The following TRPC6 variants were observed in gnomAD, a reference collection of about 807,000 sequenced individuals.
TRPC6 encodes transient receptor potential cation channel subfamily C member 6.
In TRPC6, 55 loss-of-function variants were observed where a neutral mutation model predicts 90.7. The observed-to-expected ratio is 0.61, with a 90% CI of 0.49 to 0.76. The LOEUF is 0.76. Ranked by LOEUF, TRPC6 falls within the 30% of genes least tolerant of loss-of-function variation. TRPC6 has a pLI of 0.00. For synonymous variants in TRPC6, 393 were observed against 393.0 expected, an observed-to-expected ratio of 1.00 and a Z score of 0.00; for missense variants, 989 against 1,122.7, an observed-to-expected ratio of 0.88 and a Z score of 1.70.
At chr11:101,570,679 C>A (rs1270933948) in intron 1 of TRPC6, among the ~76,000 whole-genome samples, 1 of 152,188 alleles carries the variant, frequency 6.6e-6, no homozygotes, top group African/African-American at 2.4e-5. Context: ...CCACTATGAT[C>A]CAGTTGGCGT....
At chr11:101,453,781 T>C (rs533421787) in intron 11 of TRPC6, 56 bp from the exon 12 acceptor site, 1 of 1,536,824 alleles carries the variant, frequency 6.5e-7, no homozygotes, top group East Asian at 2.3e-5. Context: ...GACAAATCTC[T>C]CATTTGGAAC....
intron 2 of TRPC6, among the ~76,000 whole-genome samples, chr11:101,494,261 C>T (rs540322618): frequency 3.9e-5 from 6 of 152,198 alleles, no homozygotes; most frequent in East Asian, 1.9e-4. Flanking sequence ...CTTCTACTTA[C>T]GAGCCATGTG....
At chr11:101,490,266 C>T (rs781095750) in intron 3 of TRPC6, among the ~76,000 whole-genome samples, 2 of 151,994 alleles carry the variant, frequency 1.3e-5, no homozygotes, top group Non-Finnish European at 2.9e-5. Context: ...ATAAAGTGGA[C>T]ATTTATTGAC....
chr11:101,467,949 C>T (rs564318332), intron 10 of TRPC6, among the ~76,000 whole-genome samples: 83 of 152,184 alleles, frequency 5.5e-4, no homozygotes, highest in African/African-American at 2.0e-3. Flanking sequence ...TCTTAAATTT[C>T]CTTTATTGGA....
intron 1 of TRPC6, among the ~76,000 whole-genome samples, chr11:101,526,184 C>G (rs1860775308): frequency 6.6e-6 from 1 of 152,102 alleles, no homozygotes; most frequent in East Asian, 1.9e-4. Context: ...TTGTCCTTCT[C>G]TTTTTAACAA....
intron 1 of TRPC6, among the ~76,000 whole-genome samples, chr11:101,580,114 T>G (rs1205744357): frequency 6.6e-6 from 1 of 152,180 alleles, no homozygotes; most frequent in Non-Finnish European, 1.5e-5. Context: ...TGCTTTAGTT[T>G]ACAGTTTACT....
intron 1 of TRPC6, 189 bp downstream of exon 1, chr11:101,583,145 C>T (rs1425353397): frequency 1.0e-6 from 1 of 983,800 alleles, no homozygotes; most frequent in Non-Finnish European, 1.2e-6. Flanking sequence ...AACCCCGCCT[C>T]CCCCACTCCC....
At chr11:101,530,667 C>T (rs1367801013) in intron 1 of TRPC6, among the ~76,000 whole-genome samples, 1 of 152,086 alleles carries the variant, frequency 6.6e-6, no homozygotes, top group Non-Finnish European at 1.5e-5. Flanking sequence ...GCCCTACTGA[C>T]CAAGATCCTG....
At chr11:101,547,850 A>G (rs12793532) in intron 1 of TRPC6, among the ~76,000 whole-genome samples, 15,570 of 152,144 alleles carry the variant, frequency 0.1, 906 homozygotes, top group Middle Eastern at 0.14. Context: ...GTCTCCTCCT[A>G]CTCATTAATT....
intron 2 of TRPC6, among the ~76,000 whole-genome samples, chr11:101,501,374 T>A (rs1049912301): frequency 6.6e-6 from 1 of 152,328 alleles, no homozygotes; most frequent in South Asian, 2.1e-4. Flanking sequence ...TTCATTTTTA[T>A]ATTATTTTTT....
chr11:101,563,745 A>G (rs1430113503), intron 1 of TRPC6, among the ~76,000 whole-genome samples: 1 of 152,104 alleles, frequency 6.6e-6, no homozygotes, highest in African/African-American at 2.4e-5. Context: ...TTTGTTTAAA[A>G]CTGAGTACGC....
At chr11:101,578,783 G>A (rs893374283) in intron 1 of TRPC6, among the ~76,000 whole-genome samples, 17 of 151,976 alleles carry the variant, frequency 1.1e-4, no homozygotes, top group African/African-American at 4.1e-4. Flanking sequence ...TTTATGTAAT[G>A]GAAAAGCCAT....
chr11:101,464,491 A>G (rs566660443), intron 10 of TRPC6, among the ~76,000 whole-genome samples: 33 of 152,230 alleles, frequency 2.2e-4, no homozygotes, highest in Admixed American at 9.8e-4. Context: ...GAGTGCATGT[A>G]TATTTAGGAT....
intron 1 of TRPC6, among the ~76,000 whole-genome samples, chr11:101,562,819 C>T (rs73584466): frequency 0.029 from 4,439 of 152,236 alleles, 131 homozygotes; most frequent in African/African-American, 0.07. Flanking sequence ...GAATTACCTA[C>T]GTGACTTTGC....
chr11:101,496,099 A>T (rs1230462576), intron 2 of TRPC6, among the ~76,000 whole-genome samples: 1 of 145,196 alleles, frequency 6.9e-6, no homozygotes, highest in Non-Finnish European at 1.5e-5. Flanking sequence ...AGAGAGAGAG[A>T]GTGAAGGGAG....
intron 7 of TRPC6, 47 bp from the exon 8 acceptor site, chr11:101,472,379 A>C: frequency 6.5e-7 from 1 of 1,539,940 alleles, no homozygotes; most frequent in Non-Finnish European, 8.9e-7. Flanking sequence ...GTGTATAAAT[A>C]AATAACAATA....
intron 1 of TRPC6, among the ~76,000 whole-genome samples, chr11:101,538,412 T>C (rs1407540646): frequency 6.6e-6 from 1 of 152,172 alleles, no homozygotes; most frequent in Non-Finnish European, 1.5e-5. Flanking sequence ...TGTACGGCAG[T>C]TTTGCTTCCC....
chr11:101,569,411 T>C (rs1861906861), intron 1 of TRPC6, among the ~76,000 whole-genome samples: 1 of 152,070 alleles, frequency 6.6e-6, no homozygotes, highest in Non-Finnish European at 1.5e-5. Flanking sequence ...TTGTACACAA[T>C]GATAGTGGGA....
rs1242910555 is a variant in TRPC6 at position 101,454,998 on chromosome 11, C to T, written c.2568+20G>A. 1 of 1,592,708 alleles carries T rather than the reference C, an allele frequency of 6.3e-7. No homozygotes were observed. Among genetic ancestry groups the T allele is most frequent in the Non-Finnish European group, 8.6e-7 (1 of 1,162,376 alleles). On this transcript the variant is annotated intron_variant, in intron 11 of 12. Coordinates refer to ENST00000344327, the MANE Select transcript of TRPC6 (RefSeq NM_004621.6). ...ATATTACAAGTAACTAGTTTTATTC[C>T]TTTAAAAATCCATGCTTACCTGATA...
Sources: allele counts gnomAD v4.1 joint callset (sites outside exome capture counted in the v4.1 genomes callset), GRCh38; gene constraint gnomAD v4.1.1; transcripts MANE v1.5; gene names NCBI Gene and HGNC (gene_info 2026-07-23, HGNC 2026-07-21).